CFAP77: variants seen among roughly 807,000 people sequenced by gnomAD.
CFAP77 encodes the protein cilia and flagella associated protein 77.
CFAP77 carries 25 observed loss-of-function variants against 31.1 expected under a neutral mutation model. The ratio of observed to expected loss-of-function variants is 0.80; its 90% CI spans 0.59 to 1.12. CFAP77 has a LOEUF of 1.12. Among genes scored for constraint, CFAP77 ranks in the 50% most tolerant of loss-of-function variants. CFAP77 has a pLI of 0.00. For synonymous variants in CFAP77, 151 were observed against 159.9 expected (o/e 0.94, Z 0.42); for missense variants, 377 against 397.3 (o/e 0.95, Z 0.44).
intron 3 of CFAP77, among the ~76,000 whole-genome samples, chr9:132,506,417 G>C (rs186343407): frequency 2.4e-4 from 36 of 152,178 alleles, no homozygotes; most frequent in African/African-American, 8.2e-4. Context: ...TAATTGGCCC[G>C]GCACTGTCGA....
At chr9:132,464,245 C>T (rs191064120) in intron 1 of CFAP77, among the ~76,000 whole-genome samples, 132 of 152,260 alleles carry the variant, frequency 8.7e-4, no homozygotes, top group Non-Finnish European at 1.7e-3. Context: ...CTGAGTATGC[C>T]GTGGGCCAGA....
At chr9:132,550,077 G>C (rs899321470) in intron 5 of CFAP77, among the ~76,000 whole-genome samples, 2 of 152,174 alleles carry the variant, frequency 1.3e-5, no homozygotes, top group African/African-American at 4.8e-5. Context: ...TCAGAGTCTG[G>C]GAGTGTCTGT....
At chr9:132,510,083 G>C (rs563766810) in intron 3 of CFAP77, among the ~76,000 whole-genome samples, 1 of 152,268 alleles carries the variant, frequency 6.6e-6, no homozygotes, top group East Asian at 1.9e-4. Flanking sequence ...AGCAGGGAGG[G>C]CTCAGGGAGG....
At chr9:132,415,945 T>G (rs1363823134) in intron 1 of CFAP77, among the ~76,000 whole-genome samples, 2 of 152,232 alleles carry the variant, frequency 1.3e-5, no homozygotes, top group African/African-American at 4.8e-5. Flanking sequence ...GTATTTTATA[T>G]CAAATGCTAA....
chr9:132,485,610 G>A (rs112104564), intron 1 of CFAP77, among the ~76,000 whole-genome samples: 18 of 152,320 alleles, frequency 1.2e-4, no homozygotes, highest in African/African-American at 4.3e-4. Flanking sequence ...CCAGCTGTGA[G>A]CAGCGGGAGC....
rs1329810166 is a variant in CFAP77, at chr9:132,520,786, C to T, written c.525-16815C>T. On this transcript the variant is annotated intron_variant, in intron 3 of 5. Transcript: ENST00000393216. ...GTGGACCTGACCCAATTCCTTCTGC[C>T]CCCTGGCCCAGGAGCCCCTCCCCAG... Among the ~76,000 whole-genome samples the T allele has an allele frequency of 2.6e-5, 4 of 152,330 alleles. No homozygotes were observed. In the East Asian group the frequency reaches 7.7e-4, roughly 29 times the overall value.
intron 1 of CFAP77, among the ~76,000 whole-genome samples, chr9:132,494,878 T>G (rs1851715487): frequency 6.6e-6 from 1 of 152,248 alleles, no homozygotes; most frequent in Non-Finnish European, 1.5e-5. Context: ...TATCTGCCTC[T>G]TTCTTATTGA....
At chr9:132,444,696 CT>C (rs1290198043) in intron 1 of CFAP77, among the ~76,000 whole-genome samples, 1 of 152,122 alleles carries the variant, frequency 6.6e-6, no homozygotes, top group Non-Finnish European at 1.5e-5. Flanking sequence ...AAAATACTGA[CT>C]TTTGCAGGTT....
chr9:132,430,829 AG>A (rs1850399488), intron 1 of CFAP77, among the ~76,000 whole-genome samples: 1 of 152,182 alleles, frequency 6.6e-6, no homozygotes, highest in South Asian at 2.1e-4. Flanking sequence ...AGAAGATGCT[AG>A]GAAGTGAACA....
At chr9:132,410,500 C>T (rs1849972457) in intron 1 of CFAP77, 34 bp downstream of exon 1, 1 of 1,511,968 alleles carries the variant, frequency 6.6e-7, no homozygotes, top group African/African-American at 1.5e-5. Context: ...CTTTCGCTGT[C>T]GCCGGCTCCG....
rs985511777 is a variant in CFAP77, at chr9:132,572,797, T to C, written c.*287T>C. The C allele has an allele frequency of 9.4e-6, 4 of 427,614 alleles. No individual in the cohort carries two copies. The highest frequency in any genetic ancestry group is 4.2e-5 in the Admixed American group (1 of 23,848). The allele number at this position is 427,614 out of a possible 1,614,324, so 26.5% of individuals were successfully genotyped here. A position where few individuals can be genotyped will look rare whatever the true frequency, so the allele number is the denominator to read the frequency against. ...CCCTGCCTCTTCTCAAGCCCTCACC[T>C]GCCAAGACAAGCCCAAATTACAAGA... On this transcript the variant is annotated 3_prime_UTR_variant, in exon 6 of 6. Transcript: ENST00000393216.
intron 5 of CFAP77, among the ~76,000 whole-genome samples, chr9:132,547,011 C>T (rs982869747): frequency 2.0e-5 from 3 of 152,248 alleles, no homozygotes; most frequent in Non-Finnish European, 2.9e-5. Flanking sequence ...GGGGGAGCAG[C>T]TCAGATCCTT....
chr9:132,499,862 G>A lies in CFAP77; in HGVS notation c.524+262G>A, dbSNP rs567426531. Among the ~76,000 whole-genome samples the A allele has an allele frequency of 6.6e-6, 1 of 152,262 alleles. No homozygotes were observed. Among genetic ancestry groups the A allele is most frequent in the East Asian group, 1.9e-4 (1 of 5,166 alleles). ...GATCAACAAACAGTGATTGAGACCT[G>A]TCCCTGGGCCAGGCCCAGTGACTCA... On this transcript the variant is annotated intron_variant, in intron 3 of 5. Transcript: ENST00000393216. This position sits in a 1 kb window ranked among gnomAD's most constrained non-coding sequence, Gnocchi z 5.4.
At chr9:132,414,609 A>G (rs1186466539) in intron 1 of CFAP77, among the ~76,000 whole-genome samples, 1 of 152,026 alleles carries the variant, frequency 6.6e-6, no homozygotes, top group Non-Finnish European at 1.5e-5. Flanking sequence ...AGTGAGCTGC[A>G]TTGCCCGGAA....
At chr9:132,475,584 G>T (rs889365046) in intron 1 of CFAP77, among the ~76,000 whole-genome samples, 1 of 152,230 alleles carries the variant, frequency 6.6e-6, no homozygotes, top group African/African-American at 2.4e-5. Context: ...GCAGGGAGAA[G>T]TGTCTCGGTT....
chr9:132,563,960 A>G (rs1013302276), intron 5 of CFAP77, among the ~76,000 whole-genome samples: 9 of 151,896 alleles, frequency 5.9e-5, no homozygotes, highest in African/African-American at 2.2e-4. Flanking sequence ...AGCACCAGCT[A>G]CTCTTTCTCT....
chr9:132,514,670 A>G (rs1313817242), intron 3 of CFAP77, among the ~76,000 whole-genome samples: 3 of 152,162 alleles, frequency 2.0e-5, no homozygotes, highest in African/African-American at 7.2e-5. Flanking sequence ...CACGTTGCAA[A>G]TGACCTCTCA....
At chr9:132,465,620 G>C (rs565875613) in intron 1 of CFAP77, among the ~76,000 whole-genome samples, 34 of 152,190 alleles carry the variant, frequency 2.2e-4, no homozygotes, top group Non-Finnish European at 4.3e-4. Context: ...GGGGACCTCA[G>C]TGGGTGAGAT....
chr9:132,541,936 G>T (rs913849957), intron 4 of CFAP77, among the ~76,000 whole-genome samples: 1 of 152,206 alleles, frequency 6.6e-6, no homozygotes, highest in African/African-American at 2.4e-5. Flanking sequence ...GAAGACAGTT[G>T]CCTTTAGGGA....
Sources: allele counts gnomAD v4.1 joint callset (sites outside exome capture counted in the v4.1 genomes callset), GRCh38; gene constraint gnomAD v4.1.1; non-coding constraint Gnocchi (gnomAD v3.1); transcripts MANE v1.5; gene names NCBI Gene and HGNC (gene_info 2026-07-23, HGNC 2026-07-21).